ETV6: variants seen among roughly 807,000 people sequenced by gnomAD.
The protein encoded by ETV6 is ETS variant transcription factor 6.
Under a neutral mutation model 51.1 loss-of-function variants are expected in ETV6, and 16 were observed. The ratio of observed to expected loss-of-function variants is 0.31; its 90% CI spans 0.21 to 0.48. The LOEUF (loss-of-function observed/expected upper bound fraction) is 0.48. Ranked by LOEUF, ETV6 falls within the 20% of genes least tolerant of loss-of-function variation. The probability of loss-of-function intolerance (pLI) is 0.99; values close to 1 mark genes in which losing one functional copy is unlikely to be tolerated. For missense variants in ETV6, 458 were observed against 594.8 expected, an observed-to-expected ratio of 0.77 and a Z score of 2.39; for synonymous variants, 240 against 224.1, an observed-to-expected ratio of 1.07 and a Z score of -0.64.
At chr12:11,699,919 C>T (rs925511404) in intron 1 of ETV6, among the ~76,000 whole-genome samples, 11 of 152,316 alleles carry the variant, frequency 7.2e-5, no homozygotes, top group Admixed American at 4.6e-4. Context: ...CCCTGAGCTC[C>T]TGTTGGAAAA....
At chr12:11,724,367 C>T (rs1442583455) in intron 1 of ETV6, among the ~76,000 whole-genome samples, 5 of 152,166 alleles carry the variant, frequency 3.3e-5, no homozygotes, top group African/African-American at 7.2e-5. Context: ...TATTTTGAGC[C>T]GATCACGTGG....
chr12:11,783,916 G>A (rs577207282), intron 2 of ETV6, among the ~76,000 whole-genome samples: 2 of 152,236 alleles, frequency 1.3e-5, no homozygotes, highest in East Asian at 1.9e-4. Flanking sequence ...GAAGGAAATG[G>A]GAGAGTGCCT....
intron 1 of ETV6, among the ~76,000 whole-genome samples, chr12:11,683,894 T>G (rs560309597): frequency 6.6e-6 from 1 of 151,508 alleles, no homozygotes; most frequent in East Asian, 1.9e-4. Flanking sequence ...CTTTTCTGTT[T>G]AGCTTTTTTT....
intron 1 of ETV6, among the ~76,000 whole-genome samples, chr12:11,722,813 G>A (rs545871939): frequency 6.6e-6 from 1 of 152,298 alleles, no homozygotes. Flanking sequence ...TAGCCACTAC[G>A]TGGAGAAGCA....
chr12:11,670,793 A>G (rs1378873791), intron 1 of ETV6, among the ~76,000 whole-genome samples: 3 of 152,260 alleles, frequency 2.0e-5, no homozygotes, highest in East Asian at 1.9e-4. Flanking sequence ...ATAGATGGGT[A>G]GATGAAATAT....
chr12:11,773,719 C>T (rs1266584041), intron 2 of ETV6, among the ~76,000 whole-genome samples: 4 of 152,148 alleles, frequency 2.6e-5, no homozygotes, highest in African/African-American at 9.7e-5. Context: ...GAAAACAGTG[C>T]ACATATTTGT....
intron 2 of ETV6, among the ~76,000 whole-genome samples, chr12:11,760,690 C>T (rs923401756): frequency 2.3e-5 from 3 of 128,860 alleles, no homozygotes; most frequent in Non-Finnish European, 5.0e-5. Flanking sequence ...CCAGAAGTAG[C>T]TCATCTTTGC....
rs558549998 is a variant in ETV6 at position 11,796,381 on chromosome 12, G to A, written c.164-42759G>A. 6.6e-5 allele frequency among the ~76,000 whole-genome samples: 10 copies of A among 152,236 alleles called. 1 individual carries two copies. Among genetic ancestry groups the A allele is most frequent in the African/African-American group, 1.9e-4 (8 of 41,508 alleles). ...ACTCACCCTGTAATGTGGCAGCCTC[G>A]TGCCATTTATCATTCCAACAGCCCA... On this transcript the variant is annotated intron_variant, in intron 2 of 7. Transcript: ENST00000396373.
chr12:11,803,635 A>G (rs1354738017), intron 2 of ETV6, among the ~76,000 whole-genome samples: 5 of 152,232 alleles, frequency 3.3e-5, no homozygotes, highest in African/African-American at 9.6e-5. Flanking sequence ...AGCTTTAAAT[A>G]TAAAAATCCA....
intron 2 of ETV6, among the ~76,000 whole-genome samples, chr12:11,776,961 G>A (rs1353945309): frequency 1.3e-5 from 2 of 152,110 alleles, no homozygotes; most frequent in African/African-American, 2.4e-5. Context: ...TTTTTAGGCC[G>A]GGCGCAGTGG....
At chr12:11,707,254 G>A (rs1865089260) in intron 1 of ETV6, among the ~76,000 whole-genome samples, 1 of 152,234 alleles carries the variant, frequency 6.6e-6, no homozygotes, top group South Asian at 2.1e-4. Flanking sequence ...CAAATGGGAA[G>A]TCTTAAAAAT....
At chr12:11,852,645 C>T (rs996302807) in intron 3 of ETV6, among the ~76,000 whole-genome samples, 1 of 152,072 alleles carries the variant, frequency 6.6e-6, no homozygotes, top group African/African-American at 2.4e-5. Flanking sequence ...AAAGAACATC[C>T]TCACAAAAAA....
intron 1 of ETV6, among the ~76,000 whole-genome samples, chr12:11,660,492 G>T (rs1167172938): frequency 6.6e-6 from 1 of 151,576 alleles, no homozygotes; most frequent in Non-Finnish European, 1.5e-5. Context: ...CCAGCTACTC[G>T]GGAGGCTGAG....
intron 2 of ETV6, among the ~76,000 whole-genome samples, chr12:11,810,558 C>T (rs1458929648): frequency 6.6e-6 from 1 of 152,092 alleles, no homozygotes; most frequent in Non-Finnish European, 1.5e-5. Flanking sequence ...GCAAGAGAAA[C>T]CACACTGAAA....
At chr12:11,798,590 ATAAGT>A (rs990572101) in intron 2 of ETV6, among the ~76,000 whole-genome samples, 4 of 152,214 alleles carry the variant, frequency 2.6e-5, no homozygotes, top group African/African-American at 9.6e-5. Flanking sequence ...TAATGAGGAA[ATAAGT>A]TACGTTAGGG....
At chr12:11,748,046 T>C (rs770014041) in intron 1 of ETV6, among the ~76,000 whole-genome samples, 5 of 152,212 alleles carry the variant, frequency 3.3e-5, no homozygotes, top group African/African-American at 4.8e-5. Flanking sequence ...GGAAAAGAGA[T>C]CCTTCTCTCA....
At chr12:11,692,360 G>A (rs1864783969) in intron 1 of ETV6, among the ~76,000 whole-genome samples, 1 of 152,032 alleles carries the variant, frequency 6.6e-6, no homozygotes, top group African/African-American at 2.4e-5. Flanking sequence ...CTCCATAACT[G>A]TAAGAAATAA....
intron 7 of ETV6, 88 bp from the exon 8 acceptor site, chr12:11,890,853 G>A (rs1023136865): frequency 2.0e-6 from 2 of 987,674 alleles, no homozygotes; most frequent in African/African-American, 3.2e-5. Flanking sequence ...AGATGATGGA[G>A]TCTTTCTTTA....
At chr12:11,823,783 G>A (rs1351755767) in intron 2 of ETV6, among the ~76,000 whole-genome samples, 2 of 152,056 alleles carry the variant, frequency 1.3e-5, no homozygotes, top group South Asian at 2.1e-4. Context: ...CTTCTATTTC[G>A]ATGTTTCATC....
Sources: allele counts gnomAD v4.1 joint callset (sites outside exome capture counted in the v4.1 genomes callset), GRCh38; gene constraint gnomAD v4.1.1; transcripts MANE v1.5; gene names NCBI Gene and HGNC (gene_info 2026-07-23, HGNC 2026-07-21).